Variants in OTOF observed in about 807,000 individuals in gnomAD.
The protein encoded by OTOF is fer-1-like family member 2.
Under a neutral mutation model 236.8 loss-of-function variants are expected in OTOF, and 218 were observed. The observed-to-expected ratio is 0.92, with a 90% CI of 0.82 to 1.03. The LOEUF is 1.03. Ranked by LOEUF, OTOF falls within the 50% of genes least tolerant of loss-of-function variation. The pLI, the probability that OTOF is intolerant of heterozygous loss-of-function variation, is 0.00. For missense variants in OTOF, 2,590 were observed against 2,694.4 expected (o/e 0.96, Z 0.86); for synonymous variants, 1,041 against 1,072.5 (o/e 0.97, Z 0.57).
Position 26,463,570 on chromosome 2 carries a change from C to T in OTOF, c.5105G>A (p.Gly1702Asp), listed in dbSNP as rs1311222582. 1.3e-6 allele frequency: 2 copies of T among 1,599,922 alleles called. No individual in the cohort carries two copies. Among genetic ancestry groups the T allele is most frequent in the East Asian group, 2.3e-5 (1 of 44,386 alleles). ...LNPDKPGIEQ[G>D]RLELWVDMFP... ...CATGTCCACCCACAGCTCCAGGCGG[C>T]CCTGAGGAAGAGGGTTGTGGCAGAT... Residue 1702 changes from glycine (G) to aspartate (D), a missense_variant and splice_region_variant, in exon 41 of 47, where the codon GGC becomes GAC. Around this residue, in one of 2 missense-constraint regions of OTOF, gnomAD observed 1,211 missense variants for 1,352.8 expected, o/e 0.90. Coordinates refer to ENST00000272371, the MANE Select transcript of OTOF (RefSeq NM_194248.3).
chr2:26,476,495 C>T (rs1298625475), intron 22 of OTOF, among the ~76,000 whole-genome samples, 178 bp from the exon 23 acceptor site: 1 of 135,236 alleles, frequency 7.4e-6, no homozygotes, highest in Non-Finnish European at 1.5e-5. Flanking sequence ...TGCCCCCTTC[C>T]CCACCCCTTC....
intron 1 of OTOF, among the ~76,000 whole-genome samples, chr2:26,545,637 A>G (rs1262026418): frequency 6.6e-6 from 1 of 152,154 alleles, no homozygotes; most frequent in African/African-American, 2.4e-5. Flanking sequence ...CAAGAATACA[A>G]AAAAAGATGT....
intron 2 of OTOF, among the ~76,000 whole-genome samples, chr2:26,536,485 G>T (rs1293985920): frequency 2.6e-5 from 4 of 152,166 alleles, no homozygotes; most frequent in Admixed American, 2.0e-4. Context: ...GCTGGGCCGC[G>T]ATGGTTGATG....
intron 1 of OTOF, among the ~76,000 whole-genome samples, chr2:26,544,429 A>G (rs1473389182): frequency 6.6e-6 from 1 of 152,234 alleles, no homozygotes. Context: ...AAGGTATCCT[A>G]CAGAATGTAC....
At chr2:26,538,707 C>T (rs145052013) in intron 1 of OTOF, among the ~76,000 whole-genome samples, 67 of 152,148 alleles carry the variant, frequency 4.4e-4, no homozygotes, top group Non-Finnish European at 7.8e-4. Flanking sequence ...CCCGGGGCCT[C>T]GGGATAGAGG....
intron 1 of OTOF, among the ~76,000 whole-genome samples, chr2:26,544,001 G>T (rs921356337): frequency 2.6e-5 from 4 of 152,206 alleles, no homozygotes; most frequent in African/African-American, 9.6e-5. Context: ...GATTATAGGC[G>T]TGGGCCACTG....
intron 37 of OTOF, 31 bp from the exon 38 acceptor site, chr2:26,465,873 A>G: frequency 1.9e-6 from 3 of 1,614,202 alleles, no homozygotes; most frequent in Non-Finnish European, 2.5e-6. Flanking sequence ...GAAGGGCTTA[A>G]GGATTGGCTA....
intron 1 of OTOF, among the ~76,000 whole-genome samples, chr2:26,547,369 A>C (rs890366526): frequency 6.6e-6 from 1 of 152,176 alleles, no homozygotes; most frequent in African/African-American, 2.4e-5. Flanking sequence ...TCAGTTGGCT[A>C]ATATTTTGTT....
At chr2:26,459,607 G>GA (rs1243075365) in intron 46 of OTOF, among the ~76,000 whole-genome samples, 1 of 152,014 alleles carries the variant, frequency 6.6e-6, no homozygotes, top group Non-Finnish European at 1.5e-5. Context: ...AACATGGCTG[G>GA]GAGCAGAGGT....
chr2:26,545,101 C>T (rs937863889), intron 1 of OTOF, among the ~76,000 whole-genome samples: 3 of 151,704 alleles, frequency 2.0e-5, no homozygotes, highest in Non-Finnish European at 4.4e-5. Flanking sequence ...AAGGGGATTG[C>T]ATCATTTCAC....
rs539692022 is a variant in OTOF at position 26,470,849 on chromosome 2, A to G, written c.3895-128T>C. ...TCCATGAGGCTCTGTGGGGCCACCC[A>G]TGTCCAAGGGGCAGGGCCTTATTTT... is the stretch of plus-strand genomic sequence containing the variant. On this transcript the variant is annotated intron_variant, in intron 31 of 46. Transcript: ENST00000272371. The surrounding 1 kb of genome is among the most constrained non-coding windows in gnomAD (Gnocchi z 4.3). 10 of 1,500,154 alleles carry G rather than the reference A, an allele frequency of 6.7e-6. No individual in the cohort carries two copies. Among genetic ancestry groups the G allele is most frequent in the Non-Finnish European group, 9.0e-6 (10 of 1,111,186 alleles). 92.9% of individuals were successfully genotyped at this position (1,500,154 alleles called of 1,614,324 possible).
intron 8 of OTOF, among the ~76,000 whole-genome samples, chr2:26,499,529 AC>A (rs1666068376): frequency 6.6e-6 from 1 of 152,032 alleles, no homozygotes; most frequent in Admixed American, 6.6e-5. Flanking sequence ...TTCTTTTGAG[AC>A]AAGGTCTCCC....
chr2:26,546,494 T>C (rs566912626), intron 1 of OTOF, among the ~76,000 whole-genome samples: 1 of 151,914 alleles, frequency 6.6e-6, no homozygotes, highest in Admixed American at 6.6e-5. Flanking sequence ...CACATATAAG[T>C]GGACCCATGT....
chr2:26,534,454 C>G (rs974248142), intron 2 of OTOF, among the ~76,000 whole-genome samples: 14 of 152,148 alleles, frequency 9.2e-5, no homozygotes, highest in Non-Finnish European at 1.6e-4. Flanking sequence ...AAGGAGACAC[C>G]ATGTCCAGGC....
intron 36 of OTOF, 34 bp from the exon 37 acceptor site, chr2:26,466,110 C>T (rs1183725065): frequency 1.2e-6 from 2 of 1,613,462 alleles, no homozygotes; most frequent in Admixed American, 1.7e-5. Context: ...TGAGCAGGCT[C>T]CCATGCCCTG....
At chr2:26,467,297 G>A in intron 34 of OTOF, 64 bp from the exon 35 acceptor site, 2 of 1,613,772 alleles carry the variant, frequency 1.2e-6, no homozygotes, top group Non-Finnish European at 8.5e-7. Flanking sequence ...TGCCCCACCT[G>A]CAGGATCACT....
At chr2:26,523,949 TC>T (rs1399649407) in intron 3 of OTOF, among the ~76,000 whole-genome samples, 1 of 152,078 alleles carries the variant, frequency 6.6e-6, no homozygotes, top group Non-Finnish European at 1.5e-5. Flanking sequence ...TCTCTCCCAC[TC>T]TGACCCCCAC....
intron 2 of OTOF, among the ~76,000 whole-genome samples, chr2:26,529,555 G>T (rs1666890227): frequency 6.6e-6 from 1 of 152,148 alleles, no homozygotes; most frequent in Non-Finnish European, 1.5e-5. Context: ...AGGCCCTCGG[G>T]AGGAGGCTTC....
chr2:26,534,681 C>T (rs551227286), intron 2 of OTOF, among the ~76,000 whole-genome samples: 17 of 152,220 alleles, frequency 1.1e-4, no homozygotes, highest in South Asian at 2.1e-4. Flanking sequence ...GTGACAGTCC[C>T]GTGGGGCAGA....
Sources: gnomAD v4.1 joint callset for allele counts (sites outside exome capture counted in the v4.1 genomes callset) on GRCh38, gnomAD v4.1.1 for gene constraint, gnomAD v4.1.1 regional missense constraint, Gnocchi (gnomAD v3.1) non-coding constraint, MANE v1.5 for transcripts, NCBI Gene and HGNC (gene_info 2026-07-23, HGNC 2026-07-21) for gene names.